KCNN2: variants seen among roughly 807,000 people sequenced by gnomAD.
KCNN2 encodes small conductance calcium-activated potassium channel protein 2.
KCNN2 carries 24 observed loss-of-function variants against 55.5 expected under a neutral mutation model. That is an observed-to-expected ratio of 0.43 (90% CI 0.31 to 0.61). KCNN2 has a LOEUF of 0.61. Ranked by LOEUF, KCNN2 falls within the 20% of genes least tolerant of loss-of-function variation. The pLI is 0.08. For synonymous variants in KCNN2, 431 were observed against 336.1 expected (o/e 1.28, Z -3.09); for missense variants, 754 against 853.6 (o/e 0.88, Z 1.45).
At chr5:114,470,640 C>T (rs749304020) in intron 4 of KCNN2, among the ~76,000 whole-genome samples, 10 of 152,332 alleles carry the variant, frequency 6.6e-5, no homozygotes, top group African/African-American at 1.2e-4. Context: ...TAAAATACCT[C>T]GCTTTCATTG....
chr5:114,392,246 C>G (rs960210417), intron 2 of KCNN2, among the ~76,000 whole-genome samples: 3 of 152,116 alleles, frequency 2.0e-5, no homozygotes, highest in African/African-American at 7.2e-5. Context: ...ATAACATTAT[C>G]TCCATTTTTA....
rs1259547392 is a variant in KCNN2, at chr5:114,270,193, C to G, written c.-185+48628C>G. On this transcript the variant is annotated intron_variant, in intron 2 of 10. Coordinates refer to the KCNN2 transcript ENST00000512097. ...GCTATAATAAATAATCATATGAGCT[C>G]TTATTCAAATTGTGAGGCGCTTTTA... Among the ~76,000 whole-genome samples the G allele has an allele frequency of 2.0e-5, 3 of 152,134 alleles. No individual in the cohort carries two copies. In the East Asian group the frequency reaches 5.8e-4, roughly 29 times the overall value.
rs371769820 is a variant in KCNN2 at position 114,288,497 on chromosome 5, T to TACACACACACAC, written c.-185+66933_-185+66934insCACACACACACA. On this transcript the variant is annotated intron_variant, in intron 2 of 10. Coordinates refer to the KCNN2 transcript ENST00000512097. Reference sequence around the variant, plus strand: ...TCTTTGCCATTACTTTATATATATATATACACACACACACACACACACACA... The same window carrying TACACACACACAC: ...TCTTTGCCATTACTTTATATATATATACACACACACACATACACACACACACACACACACACA... Among the ~76,000 whole-genome samples the TACACACACACAC allele has an allele frequency of 9.2e-3, 1,179 of 128,722 alleles. 2 individuals carry two copies. Among genetic ancestry groups the TACACACACACAC allele is most frequent in the Middle Eastern group, 0.02 (5 of 248 alleles). 84.4% of individuals were successfully genotyped at this position (128,722 alleles called of 152,430 possible).
In KCNN2 at chr5:114,129,150, G is replaced by A. The variant is rs115253014; in HGVS notation, c.-271+72650G>A. ...GATAGAGTAGCAGTTGTCTTTGTTT[G>A]TGGGATACAGAAAGGAATGAGGAAG... is the stretch of plus-strand genomic sequence containing the variant. On this transcript the variant is annotated intron_variant, in intron 1 of 10. Transcript: ENST00000512097. 5.9e-3 allele frequency among the ~76,000 whole-genome samples: 894 copies of A among 152,274 alleles called. 10 individuals are homozygous for A. Among genetic ancestry groups the A allele is most frequent in the African/African-American group, 0.02 (843 of 41,572 alleles).
intron 1 of KCNN2, among the ~76,000 whole-genome samples, chr5:114,172,960 T>G (rs1198162901): frequency 1.3e-5 from 2 of 152,010 alleles, no homozygotes; most frequent in Non-Finnish European, 2.9e-5. Context: ...TGTCCATTTC[T>G]GCTTTGGTTG....
intron 3 of KCNN2, among the ~76,000 whole-genome samples, chr5:114,432,323 C>A (rs1000026367): frequency 3.9e-5 from 6 of 152,234 alleles, no homozygotes; most frequent in African/African-American, 1.4e-4. Flanking sequence ...TTATGTAATG[C>A]CCCTCTTTAT....
intron 4 of KCNN2, among the ~76,000 whole-genome samples, chr5:114,470,100 G>T (rs559755247): frequency 6.6e-6 from 1 of 152,258 alleles, no homozygotes; most frequent in East Asian, 1.9e-4. Flanking sequence ...GATGACACCC[G>T]GTGAGAAATG....
chr5:114,309,232 A>G (rs980045800), intron 2 of KCNN2, among the ~76,000 whole-genome samples: 2 of 152,228 alleles, frequency 1.3e-5, no homozygotes, highest in Non-Finnish European at 2.9e-5. Context: ...CAAGGCAGAC[A>G]AAATTGGGAC....
intron 1 of KCNN2, among the ~76,000 whole-genome samples, chr5:114,125,168 C>T (rs1409714378): frequency 6.7e-6 from 1 of 150,114 alleles, no homozygotes; most frequent in Non-Finnish European, 1.5e-5. Context: ...TTAGGGGTTT[C>T]TTCCCCCCAA....
At chr5:114,212,561 A>G (rs928370481) in intron 1 of KCNN2, among the ~76,000 whole-genome samples, 9 of 152,104 alleles carry the variant, frequency 5.9e-5, no homozygotes, top group Admixed American at 4.6e-4. Flanking sequence ...AAAGTTTTTA[A>G]TAAAAAGAAA....
At chr5:114,235,200 A>G (rs1437127258) in intron 2 of KCNN2, among the ~76,000 whole-genome samples, 2 of 152,186 alleles carry the variant, frequency 1.3e-5, no homozygotes, top group Non-Finnish European at 2.9e-5. Context: ...ATTTGAGGCA[A>G]AGTAGCACAG....
intron 2 of KCNN2, among the ~76,000 whole-genome samples, chr5:114,344,724 T>C (rs1046234368): frequency 6.6e-6 from 1 of 152,334 alleles, no homozygotes; most frequent in Admixed American, 6.5e-5. Flanking sequence ...TCTAAGCGTT[T>C]AGAGGTTACC....
chr5:114,340,648 A>G lies in KCNN2; in HGVS notation c.-184-20297A>G, dbSNP rs1341049384. Among the ~76,000 whole-genome samples the G allele has an allele frequency of 6.7e-5, 9 of 134,458 alleles. 1 individual carries two copies. The South Asian group carries it at 2.5e-3, about 37-fold the overall frequency. 88.2% of individuals were successfully genotyped at this position (134,458 alleles called of 152,430 possible). ...ATTAACATATCCATCACCTCACACC[A>G]TTATGGTGTGTGTGTGTGCATGTGT... On this transcript the variant is annotated intron_variant, in intron 2 of 10. Coordinates refer to the KCNN2 transcript ENST00000512097.
chr5:114,481,730 C>T (rs565535069), intron 5 of KCNN2, among the ~76,000 whole-genome samples: 12 of 151,564 alleles, frequency 7.9e-5, no homozygotes, highest in Non-Finnish European at 1.6e-4. Flanking sequence ...ATGAAGTCCA[C>T]ACACCTACAA....
At chr5:114,437,226 G>A (rs1175095364) in intron 3 of KCNN2, among the ~76,000 whole-genome samples, 1 of 152,100 alleles carries the variant, frequency 6.6e-6, no homozygotes. Context: ...AGTAAATTTG[G>A]TACACAGAAT....
rs373053308 is a variant in KCNN2, at chr5:114,362,734, C to T, written c.595C>T (p.Pro199Ser). The change falls in exon 1 of 8, where the codon CCC becomes TCC. Residue 199 changes from proline (P) to serine (S), a missense_variant. Pro to Ser is a moderately conservative substitution (Grantham distance 74). Coordinates refer to ENST00000673685, the MANE Select transcript of KCNN2 (RefSeq NM_021614.4). The stretch of plus-strand genomic sequence containing the variant: ...CCCGGCGCACCACCAGCACCACCAG[C>T]CCCAGGCGCGCCGCGAGAGCAACCC... ...PHPAHHQHHQ[P>S]QARRESNPFT... 6.8e-4 allele frequency: 1,036 copies of T among 1,533,930 alleles called. 2 individuals carry two copies. Among genetic ancestry groups the T allele is most frequent in the Non-Finnish European group, 7.8e-4 (898 of 1,147,620 alleles).
chr5:114,066,800 C>G (rs1272416514), intron 1 of KCNN2, among the ~76,000 whole-genome samples: 1 of 152,124 alleles, frequency 6.6e-6, no homozygotes, highest in Non-Finnish European at 1.5e-5. Flanking sequence ...AGGATGGTCT[C>G]AATCTCTTGA....
chr5:114,295,319 A>C (rs1016326748), intron 2 of KCNN2, among the ~76,000 whole-genome samples: 4 of 152,228 alleles, frequency 2.6e-5, no homozygotes, highest in African/African-American at 7.2e-5. Flanking sequence ...CTACAGAGGC[A>C]GGAAGGCCTC....
intron 1 of KCNN2, among the ~76,000 whole-genome samples, chr5:114,113,154 C>T (rs1319486567): frequency 1.3e-5 from 2 of 151,952 alleles, no homozygotes; most frequent in Non-Finnish European, 2.9e-5. Flanking sequence ...ACCATTTTAT[C>T]TCTCTTATTT....
Sources: allele counts gnomAD v4.1 joint callset (sites outside exome capture counted in the v4.1 genomes callset), GRCh38; gene constraint gnomAD v4.1.1; transcripts MANE v1.5; gene names NCBI Gene and HGNC (gene_info 2026-07-23, HGNC 2026-07-21).